Variants in LRRTM4 observed in about 807,000 individuals in gnomAD.
LRRTM4 encodes leucine rich repeat transmembrane neuronal 4.
LRRTM4 carries 25 observed loss-of-function variants against 47.6 expected under a neutral mutation model. The observed-to-expected ratio is 0.53, with a 90% CI of 0.38 to 0.73. The LOEUF (loss-of-function observed/expected upper bound fraction) is 0.73, where lower values mean the gene tolerates loss of function less well. LRRTM4 is among the 30% of genes least tolerant of loss of function. The pLI is 0.00. For synonymous variants in LRRTM4, 311 were observed against 269.5 expected, an observed-to-expected ratio of 1.15 and a Z score of -1.51; for missense variants, 638 against 713.4, an observed-to-expected ratio of 0.89 and a Z score of 1.20.
intron 3 of LRRTM4, among the ~76,000 whole-genome samples, chr2:77,330,314 C>T (rs540407230): frequency 7.4e-4 from 112 of 152,244 alleles, no homozygotes; most frequent in Non-Finnish European, 1.3e-3. Context: ...AATGTGCCCA[C>T]ATGGTTCAAA....
chr2:77,113,652 G>A (rs1437836627), intron 3 of LRRTM4, among the ~76,000 whole-genome samples: 1 of 152,088 alleles, frequency 6.6e-6, no homozygotes, highest in African/African-American at 2.4e-5. Context: ...CATTGGGGGA[G>A]CAGAAGAGGC....
At chr2:77,186,156 T>G (rs1185428397) in intron 3 of LRRTM4, among the ~76,000 whole-genome samples, 1 of 152,190 alleles carries the variant, frequency 6.6e-6, no homozygotes, top group Admixed American at 6.6e-5. Context: ...CTCAGGAACT[T>G]AAATTGGGAC....
intron 3 of LRRTM4, among the ~76,000 whole-genome samples, chr2:77,274,037 C>G (rs888239387): frequency 6.6e-6 from 1 of 151,950 alleles, no homozygotes; most frequent in African/African-American, 2.4e-5. Flanking sequence ...TTTGATTACC[C>G]TGGAATCCTT....
At chr2:77,016,334 C>T (rs1040484058) in intron 3 of LRRTM4, among the ~76,000 whole-genome samples, 2 of 150,400 alleles carry the variant, frequency 1.3e-5, no homozygotes, top group African/African-American at 2.4e-5. Flanking sequence ...TGCAGTGAGC[C>T]CAGATCGCGC....
rs1166832321 is a variant in LRRTM4, at chr2:77,502,336, T to C, written c.1551+15982A>G. On this transcript the variant is annotated intron_variant, in intron 3 of 3. Coordinates refer to ENST00000409884, the MANE Select transcript of LRRTM4 (RefSeq NM_001134745.3). ...TATTTTATCATTTTGAACATAAACA[T>C]GTAATAAAATGGCATATTAATGAAC... Among the ~76,000 whole-genome samples, 4 of 151,298 alleles carry C rather than the reference T, an allele frequency of 2.6e-5. No homozygotes were observed. In the Admixed American group the frequency reaches 2.7e-4, roughly 10 times the overall value.
chr2:77,050,917 T>A (rs894938157), intron 3 of LRRTM4, among the ~76,000 whole-genome samples: 1 of 152,218 alleles, frequency 6.6e-6, no homozygotes, highest in Admixed American at 6.6e-5. Flanking sequence ...TTCAGTCATA[T>A]ACTCTCTAAG....
At chr2:77,503,295 T>G (rs539226874) in intron 3 of LRRTM4, among the ~76,000 whole-genome samples, 105 of 151,722 alleles carry the variant, frequency 6.9e-4, no homozygotes, top group African/African-American at 2.3e-3. Flanking sequence ...GTAAAATCAG[T>G]AAGACTCCAA....
At chr2:77,287,100 T>C (rs13394601) in intron 3 of LRRTM4, among the ~76,000 whole-genome samples, 18,119 of 152,020 alleles carry the variant, frequency 0.12, 2,195 homozygotes, top group African/African-American at 0.31. Context: ...GAAGGACCTC[T>C]GTATCATTCA....
chr2:77,289,633 C>T (rs541482965), intron 3 of LRRTM4, among the ~76,000 whole-genome samples: 1 of 151,824 alleles, frequency 6.6e-6, no homozygotes, highest in African/African-American at 2.4e-5. Context: ...AGGTTACTAC[C>T]GACAATTTGG....
chr2:77,069,705 G>C (rs959593786), intron 3 of LRRTM4, among the ~76,000 whole-genome samples: 1 of 150,236 alleles, frequency 6.7e-6, no homozygotes, highest in Non-Finnish European at 1.5e-5. Context: ...CCAGCCACGA[G>C]AGCACAGGGC....
At chr2:77,348,643 A>T (rs535835299) in intron 3 of LRRTM4, among the ~76,000 whole-genome samples, 9 of 150,646 alleles carry the variant, frequency 6.0e-5, no homozygotes, top group South Asian at 4.2e-4. Context: ...TGATTTTTTT[A>T]AAAAATAGCA....
chr2:77,075,944 T>A (rs1226023579), intron 3 of LRRTM4, among the ~76,000 whole-genome samples: 1,107 of 82,598 alleles, frequency 0.013, 10 homozygotes, highest in South Asian at 0.073. Flanking sequence ...AAAAAAAAAA[T>A]GGGATGAAGA....
chr2:76,755,881 T>C (rs2104066821), intron 3 of LRRTM4, among the ~76,000 whole-genome samples: 1 of 152,196 alleles, frequency 6.6e-6, no homozygotes, highest in East Asian at 1.9e-4. Flanking sequence ...CCAGGGGACC[T>C]AGAAAAAAAC....
chr2:77,019,315 A>C lies in LRRTM4; in HGVS notation c.1552-270399T>G, dbSNP rs1014701386. 3.3e-5 allele frequency among the ~76,000 whole-genome samples: 5 copies of C among 151,292 alleles called. No individual in the cohort carries two copies. In the South Asian group the frequency reaches 1.0e-3, roughly 32 times the overall value. The stretch of plus-strand genomic sequence containing the variant: ...CAGAGTGTATTGACCCTGCTTACTG[A>C]TATCTTTGCCATTGTTAAGCCCTGG... On this transcript the variant is annotated intron_variant, in intron 3 of 3. Coordinates refer to ENST00000409884, the MANE Select transcript of LRRTM4 (RefSeq NM_001134745.3).
chr2:76,936,424 C>T (rs553552908), intron 3 of LRRTM4, among the ~76,000 whole-genome samples: 4 of 149,864 alleles, frequency 2.7e-5, no homozygotes, highest in Non-Finnish European at 5.9e-5. Flanking sequence ...ACATCACACA[C>T]TGGGGCCTGT....
In LRRTM4 at chr2:77,519,372, G is replaced by C. The variant is rs1173322373; in HGVS notation, c.497C>G (p.Ser166Cys). Residue 166 changes from serine (S) to cysteine (C), a missense_variant, in exon 3 of 4, where the codon TCT (serine) becomes TGT (cysteine). Physicochemically the swap from Ser to Cys is moderately radical, Grantham distance 112. Transcript: ENST00000409884. This position sits in a 1 kb window ranked among gnomAD's most constrained non-coding sequence, Gnocchi z 4.6. ...LRKLIILHLR[S>C]NSLKTVPIRV... Reference sequence around the variant, plus strand: ...TATGGGCACAGTCTTTAGTGAGTTAGATCTCAAGTGCAAAATGATGAGTTT... The same window carrying C: ...TATGGGCACAGTCTTTAGTGAGTTACATCTCAAGTGCAAAATGATGAGTTT... 4.3e-6 allele frequency: 7 copies of C among 1,613,266 alleles called. No individual in the cohort carries two copies. Among genetic ancestry groups the C allele is most frequent in the Non-Finnish European group, 1.7e-6 (2 of 1,179,584 alleles).
intron 3 of LRRTM4, among the ~76,000 whole-genome samples, chr2:77,275,329 C>T (rs1676314620): frequency 6.6e-6 from 1 of 151,994 alleles, no homozygotes; most frequent in Non-Finnish European, 1.5e-5. Flanking sequence ...TGATTTCTCC[C>T]TACCTCCAAC....
intron 3 of LRRTM4, among the ~76,000 whole-genome samples, chr2:76,751,751 G>T (rs1421884073): frequency 6.6e-6 from 1 of 152,060 alleles, no homozygotes. Context: ...ATGTGGGATT[G>T]GTGCCATGGG....
At chr2:76,958,324 A>G (rs967486052) in intron 3 of LRRTM4, among the ~76,000 whole-genome samples, 1 of 151,770 alleles carries the variant, frequency 6.6e-6, no homozygotes, top group Non-Finnish European at 1.5e-5. Context: ...GTTTGACTCT[A>G]TGGTTTTCTG....
Sources: gnomAD v4.1 joint callset for allele counts (sites outside exome capture counted in the v4.1 genomes callset) on GRCh38, gnomAD v4.1.1 for gene constraint, Gnocchi (gnomAD v3.1) non-coding constraint, MANE v1.5 for transcripts, NCBI Gene and HGNC (gene_info 2026-07-23, HGNC 2026-07-21) for gene names.